Variants in ATL1 observed in about 807,000 individuals in gnomAD.
ATL1 encodes the protein atlastin GTPase 1, also known as atlastin-1.
ATL1 carries 31 observed loss-of-function variants against 75.5 expected under a neutral mutation model. That is an observed-to-expected ratio of 0.41 (90% CI 0.31 to 0.55). ATL1 has a LOEUF of 0.55. ATL1 is among the 20% of genes least tolerant of loss of function. ATL1 has a pLI of 0.27. For synonymous variants in ATL1, 226 were observed against 233.3 expected, an observed-to-expected ratio of 0.97 and a Z score of 0.28; for missense variants, 405 against 662.6, an observed-to-expected ratio of 0.61 and a Z score of 4.27.
chr14:50,577,883 T>G (rs1482488366), intron 1 of ATL1, among the ~76,000 whole-genome samples: 3 of 152,200 alleles, frequency 2.0e-5, no homozygotes, highest in African/African-American at 4.8e-5. Context: ...ATATACCACA[T>G]TTTATCTGTC....
At position 50,586,884 on chromosome 14, in the gene ATL1, A is replaced by G. The variant is rs984278400; in HGVS notation, c.35-947A>G. On this transcript the variant is annotated intron_variant, in intron 1 of 13. Coordinates refer to ENST00000358385, the MANE Select transcript of ATL1 (RefSeq NM_015915.5). ...TAATTTTCTCATGTGTCAAAAATAC[A>G]GATAATAATAAATACCGTACTGGAA... Among the ~76,000 whole-genome samples the G allele has an allele frequency of 5.3e-5, 8 of 152,214 alleles. 1 individual carries two copies. The highest frequency in any genetic ancestry group is 3.8e-4 in the East Asian group (2 of 5,202).
At chr14:50,625,051 G>A (rs1000885839) in intron 11 of ATL1, among the ~76,000 whole-genome samples, 3 of 150,282 alleles carry the variant, frequency 2.0e-5, no homozygotes, top group Non-Finnish European at 4.4e-5. Flanking sequence ...CTCCAGCCTG[G>A]GGGACTGAGT....
In ATL1 at chr14:50,588,243, G is replaced by A. The variant is rs1431244455; in HGVS notation, c.282+165G>A. 2.0e-5 allele frequency among the ~76,000 whole-genome samples: 3 copies of A among 152,072 alleles called. No homozygotes were observed. The East Asian group carries it at 5.8e-4, about 29-fold the overall frequency. On this transcript the variant is annotated intron_variant, in intron 2 of 13. Coordinates refer to ENST00000358385, the MANE Select transcript of ATL1 (RefSeq NM_015915.5). ...ACCATTCCAACCTCAGTGCTTTGGG[G>A]ACCAAACTACACAGACCAATTTTCT...
At chr14:50,624,832 G>A (rs2039501531) in intron 11 of ATL1, among the ~76,000 whole-genome samples, 1 of 152,026 alleles carries the variant, frequency 6.6e-6, no homozygotes, top group Non-Finnish European at 1.5e-5. Context: ...CACTTTGGGA[G>A]GCTGAGGCAG....
At chr14:50,596,470 G>C (rs752236813) in intron 6 of ATL1, among the ~76,000 whole-genome samples, 19 of 152,048 alleles carry the variant, frequency 1.2e-4, no homozygotes, top group Admixed American at 4.6e-4. Flanking sequence ...TGAAACCTAG[G>C]GCTAACAAGC....
intron 8 of ATL1, among the ~76,000 whole-genome samples, chr14:50,615,906 T>G (rs1038129538): frequency 4.6e-5 from 7 of 152,180 alleles, no homozygotes; most frequent in African/African-American, 1.7e-4. Flanking sequence ...CAGCTACAGC[T>G]CTTAGATTAA....
intron 5 of ATL1, 32 bp from the exon 6 acceptor site, chr14:50,595,540 CTCTG>C: frequency 6.3e-7 from 1 of 1,578,860 alleles, no homozygotes. Context: ...CTCTCTCTCT[CTCTG>C]TGTATGTGTG....
intron 6 of ATL1, among the ~76,000 whole-genome samples, chr14:50,610,728 T>A (rs749429032): frequency 9.9e-5 from 15 of 152,166 alleles, no homozygotes; most frequent in Non-Finnish European, 2.1e-4. Context: ...AAGCACTGAT[T>A]CTGTGCCAAG....
chr14:50,580,577 T>C (rs2140194099), intron 1 of ATL1, among the ~76,000 whole-genome samples: 1 of 152,306 alleles, frequency 6.6e-6, no homozygotes, highest in East Asian at 1.9e-4. Flanking sequence ...GTGTTTGTGA[T>C]ATTTAAAAAA....
At chr14:50,626,024 A>G (rs1307902076) in intron 11 of ATL1, among the ~76,000 whole-genome samples, 1 of 152,214 alleles carries the variant, frequency 6.6e-6, no homozygotes, top group East Asian at 1.9e-4. Context: ...CTTTAAGCCC[A>G]CTGTTCAGAC....
chr14:50,623,009 G>T lies in ATL1; in HGVS notation c.1048-168G>T, dbSNP rs3736307. On this transcript the variant is annotated intron_variant, in intron 10 of 13. Transcript: ENST00000358385. ...CTGTTTATGCATTTTTGAAACTTTT[G>T]TACTACTTTTTAAAATGTAGTAGAA... is the stretch of plus-strand genomic sequence containing the variant. Among the ~76,000 whole-genome samples, 102,347 of 152,060 alleles carry T rather than the reference G, an allele frequency of 0.67. 34,674 individuals are homozygous for T. The highest frequency in any genetic ancestry group is 0.82 in the East Asian group (4,234 of 5,178).
chr14:50,540,065 T>C (rs534472437), intron 1 of ATL1, among the ~76,000 whole-genome samples: 149 of 152,282 alleles, frequency 9.8e-4, no homozygotes, highest in Admixed American at 3.4e-3. Context: ...CTGCCCTCAG[T>C]GGATTAGAGA....
intron 11 of ATL1, among the ~76,000 whole-genome samples, chr14:50,625,543 G>A (rs988573306): frequency 6.6e-6 from 1 of 152,198 alleles, no homozygotes; most frequent in African/African-American, 2.4e-5. Flanking sequence ...AAGCTTGGAA[G>A]AACAGGCTGA....
intron 1 of ATL1, among the ~76,000 whole-genome samples, chr14:50,554,146 C>T (rs2038737737): frequency 6.6e-6 from 1 of 151,812 alleles, no homozygotes; most frequent in Admixed American, 6.6e-5. Flanking sequence ...AATACGTACC[C>T]TTAGAGGCAC....
At chr14:50,574,925 G>T (rs1222735318) in intron 1 of ATL1, among the ~76,000 whole-genome samples, 2 of 94,814 alleles carry the variant, frequency 2.1e-5, no homozygotes, top group African/African-American at 9.5e-5. Flanking sequence ...GTGTGTGTGT[G>T]TGTGTGTGTG....
At chr14:50,624,862 G>T (rs969981277) in intron 11 of ATL1, among the ~76,000 whole-genome samples, 1 of 151,972 alleles carries the variant, frequency 6.6e-6, no homozygotes, top group Non-Finnish European at 1.5e-5. Flanking sequence ...TTGAGGTCAG[G>T]AGTTTGAGAC....
intron 6 of ATL1, among the ~76,000 whole-genome samples, chr14:50,597,532 G>A (rs944549851): frequency 1.3e-5 from 2 of 152,086 alleles, no homozygotes; most frequent in Non-Finnish European, 2.9e-5. Context: ...CACACAGGAA[G>A]CTTCAATGTT....
intron 1 of ATL1, among the ~76,000 whole-genome samples, chr14:50,552,797 A>T (rs1241920931): frequency 6.6e-6 from 1 of 152,224 alleles, no homozygotes; most frequent in Non-Finnish European, 1.5e-5. Context: ...GTGCTGGGAT[A>T]ACTGGCAAGC....
chr14:50,579,871 C>G (rs1253151891), intron 1 of ATL1, among the ~76,000 whole-genome samples: 1 of 152,082 alleles, frequency 6.6e-6, no homozygotes, highest in Non-Finnish European at 1.5e-5. Context: ...AGGACTTTTC[C>G]CCACCTACCC....
Sources: gnomAD v4.1 joint callset for allele counts (sites outside exome capture counted in the v4.1 genomes callset) on GRCh38, gnomAD v4.1.1 for gene constraint, MANE v1.5 for transcripts, NCBI Gene and HGNC (gene_info 2026-07-23, HGNC 2026-07-21) for gene names.